The following PRMT8 variants were observed in gnomAD, a reference collection of about 807,000 sequenced individuals.
The protein encoded by PRMT8 is protein arginine N-methyltransferase 8.
A neutral mutation model predicts 47.1 loss-of-function variants in PRMT8; 7 were observed. The ratio of observed to expected loss-of-function variants is 0.15; its 90% CI spans 0.08 to 0.28. PRMT8 has a LOEUF of 0.28. Ranked by LOEUF, PRMT8 falls within the 10% of genes least tolerant of loss-of-function variation. The probability of loss-of-function intolerance (pLI) is 1.00; values close to 1 mark genes in which losing one functional copy is unlikely to be tolerated. For missense variants in PRMT8, 237 were observed against 505.4 expected, an observed-to-expected ratio of 0.47 and a Z score of 5.09; for synonymous variants, 188 against 186.5, an observed-to-expected ratio of 1.01 and a Z score of -0.07.
rs920293839 is a variant in PRMT8, at chr12:3,572,554, C to T, written c.712+2990C>T. ...TGCTTATAGCTTGATGGTTGAAGGG[C>T]GGCCCTCTTGGATGGCTCAGCTGCT... On this transcript the variant is annotated intron_variant, in intron 6 of 9. Transcript: ENST00000382622. This position sits in a 1 kb window ranked among gnomAD's most constrained non-coding sequence, Gnocchi z 5.9. 1.2e-4 allele frequency among the ~76,000 whole-genome samples: 18 copies of T among 152,174 alleles called. No homozygotes were observed. The highest frequency in any genetic ancestry group is 1.0e-3 in the Admixed American group (16 of 15,274).
chr12:3,415,873 C>G (rs890024075), intron 1 of PRMT8, among the ~76,000 whole-genome samples: 29 of 152,214 alleles, frequency 1.9e-4, no homozygotes, highest in Non-Finnish European at 1.6e-4. Flanking sequence ...CAGGCCAGTG[C>G]TCTTTCCGGA....
At chr12:3,547,092 C>G (rs1316914651) in intron 2 of PRMT8, among the ~76,000 whole-genome samples, 1 of 151,968 alleles carries the variant, frequency 6.6e-6, no homozygotes, top group Non-Finnish European at 1.5e-5. Context: ...AATCTCTCAC[C>G]AAGTTAAAAA....
Position 3,540,803 on chromosome 12 carries a change from C to G in PRMT8, c.261+12C>G. The G allele has an allele frequency of 1.2e-6, 2 of 1,611,198 alleles. No homozygotes were observed. Among genetic ancestry groups the G allele is most frequent in the Non-Finnish European group, 8.5e-7 (1 of 1,178,346 alleles). ...TTGGGATCCACGAGGTAAAGTGTCC[C>G]GAGTGGGTGGCTAATGGGGCGAGGC... On this transcript the variant is annotated intron_variant, in intron 2 of 9. Transcript: ENST00000382622.
intron 4 of PRMT8, among the ~76,000 whole-genome samples, chr12:3,559,048 T>TCCAG (rs750707259): frequency 6.6e-6 from 1 of 152,038 alleles, no homozygotes; most frequent in African/African-American, 2.4e-5. Flanking sequence ...TGTCCATCCA[T>TCCAG]CCAGCCAGCC....
chr12:3,408,183 C>G (rs1018575750), intron 1 of PRMT8, among the ~76,000 whole-genome samples: 1 of 150,344 alleles, frequency 6.7e-6, no homozygotes, highest in Non-Finnish European at 1.5e-5. Flanking sequence ...TTCCTTCCTT[C>G]CTTCCTCCCT....
At chr12:3,591,142 C>A (rs1049128088) in intron 8 of PRMT8, among the ~76,000 whole-genome samples, 2 of 152,052 alleles carry the variant, frequency 1.3e-5, no homozygotes, top group African/African-American at 4.8e-5. Flanking sequence ...AGGCAGAACT[C>A]CTCACATTTA....
Position 3,493,347 on chromosome 12 carries a change from G to C in PRMT8, c.75+1647G>C, listed in dbSNP as rs554782147. ...CCTCTGATCGCCCACCCGCCGAAAG[G>C]GTTTCTAAAAATAGCCCAGGGCTTC... On this transcript the variant is annotated intron_variant, in intron 1 of 9. Coordinates refer to ENST00000382622, the MANE Select transcript of PRMT8 (RefSeq NM_019854.5). This position sits in a 1 kb window ranked among gnomAD's most constrained non-coding sequence, Gnocchi z 8.2. Among the ~76,000 whole-genome samples, 1 of 152,304 alleles carries C rather than the reference G, an allele frequency of 6.6e-6. No individual in the cohort carries two copies. The highest frequency in any genetic ancestry group is 1.9e-4 in the East Asian group (1 of 5,174).
chr12:3,564,920 C>CA lies in PRMT8; in HGVS notation c.482-3785dup, dbSNP rs1866693670. On this transcript the variant is annotated intron_variant, in intron 4 of 9. Transcript: ENST00000382622. This position sits in a 1 kb window ranked among gnomAD's most constrained non-coding sequence, Gnocchi z 4.0. The stretch of plus-strand genomic sequence containing the variant: ...TAAGTTGGCATATGCCCCACCATGA[C>CA]AGGTAGCATTTTGTAGATTGGAAAA... 6.6e-6 allele frequency among the ~76,000 whole-genome samples: 1 copy of CA among 152,224 alleles called. No homozygotes were observed. Among genetic ancestry groups the CA allele is most frequent in the Non-Finnish European group, 1.5e-5 (1 of 68,048 alleles).
chr12:3,527,226 A>G (rs1039802364), intron 1 of PRMT8, among the ~76,000 whole-genome samples: 1 of 152,176 alleles, frequency 6.6e-6, no homozygotes, highest in Non-Finnish European at 1.5e-5. Context: ...CAGGAGATAT[A>G]ATCCAAGACC....
At chr12:3,472,636 C>T (rs1865172306) in intron 1 of PRMT8, among the ~76,000 whole-genome samples, 1 of 152,148 alleles carries the variant, frequency 6.6e-6, no homozygotes, top group South Asian at 2.1e-4. Flanking sequence ...AGGGCCTGAC[C>T]CAGTAAGCTT....
At chr12:3,542,456 C>T (rs546452068) in intron 2 of PRMT8, among the ~76,000 whole-genome samples, 5 of 152,304 alleles carry the variant, frequency 3.3e-5, no homozygotes, top group African/African-American at 1.2e-4. Context: ...CTCTTGGGGG[C>T]AAAAGAGACT....
rs12817812 is a variant in PRMT8, at chr12:3,492,331, C to T, written c.75+631C>T. On this transcript the variant is annotated intron_variant, in intron 1 of 9. Coordinates refer to ENST00000382622, the MANE Select transcript of PRMT8 (RefSeq NM_019854.5). The surrounding 1 kb of genome is among the most constrained non-coding windows in gnomAD (Gnocchi z 7.5). ...TGCAATCCTCAGATATCAGAGCCGC[C>T]TCTGGGTAGCTAAACCCGGCAGGGC... is the stretch of plus-strand genomic sequence containing the variant. Among the ~76,000 whole-genome samples, 1 of 152,098 alleles carries T rather than the reference C, an allele frequency of 6.6e-6. No individual in the cohort carries two copies. Among genetic ancestry groups the T allele is most frequent in the African/African-American group, 2.4e-5 (1 of 41,444 alleles).
At chr12:3,559,892 C>T (rs972622466) in intron 4 of PRMT8, among the ~76,000 whole-genome samples, 1 of 152,162 alleles carries the variant, frequency 6.6e-6, no homozygotes, top group Admixed American at 6.5e-5. Context: ...AGCATGGAAT[C>T]GTTTATGCTC....
chr12:3,524,439 CT>C (rs1316208241), intron 1 of PRMT8, among the ~76,000 whole-genome samples: 1 of 152,080 alleles, frequency 6.6e-6, no homozygotes, highest in Non-Finnish European at 1.5e-5. Context: ...CACCTTCCCC[CT>C]CTTCCCCGCC....
intron 1 of PRMT8, among the ~76,000 whole-genome samples, chr12:3,479,744 C>T (rs1196725150): frequency 2.6e-5 from 4 of 152,168 alleles, no homozygotes; most frequent in South Asian, 2.1e-4. Flanking sequence ...GCACTCAATG[C>T]CCTTGGCCTT....
chr12:3,419,042 C>T (rs1864511581), intron 1 of PRMT8, among the ~76,000 whole-genome samples: 1 of 152,242 alleles, frequency 6.6e-6, no homozygotes, highest in African/African-American at 2.4e-5. Flanking sequence ...AGGCGATACA[C>T]AGACGTTTTG....
intron 1 of PRMT8, among the ~76,000 whole-genome samples, chr12:3,472,682 A>G (rs973250371): frequency 2.0e-5 from 3 of 152,192 alleles, no homozygotes; most frequent in Non-Finnish European, 2.9e-5. Flanking sequence ...TCAAAGGGAT[A>G]GGAGGGTCAG....
At chr12:3,466,409 G>A (rs1865097862) in intron 1 of PRMT8, among the ~76,000 whole-genome samples, 1 of 152,200 alleles carries the variant, frequency 6.6e-6, no homozygotes, top group Non-Finnish European at 1.5e-5. Flanking sequence ...CACAGTCTGA[G>A]TGGAGTCCTG....
intron 1 of PRMT8, among the ~76,000 whole-genome samples, chr12:3,405,479 C>T (rs768773679): frequency 1.3e-5 from 2 of 152,198 alleles, no homozygotes; most frequent in Non-Finnish European, 2.9e-5. Flanking sequence ...CTCATTCTAG[C>T]ATTAACTCAA....
Sources: gnomAD v4.1 joint callset for allele counts (sites outside exome capture counted in the v4.1 genomes callset) on GRCh38, gnomAD v4.1.1 for gene constraint, Gnocchi (gnomAD v3.1) non-coding constraint, MANE v1.5 for transcripts, NCBI Gene and HGNC (gene_info 2026-07-23, HGNC 2026-07-21) for gene names.